GMPR: variants seen among roughly 807,000 people sequenced by gnomAD.
GMPR encodes the protein GMP reductase 1.
GMPR carries 31 observed loss-of-function variants against 38.4 expected under a neutral mutation model. That is an observed-to-expected ratio of 0.81 (90% CI 0.61 to 1.09). The LOEUF is 1.09. GMPR is among the 50% of genes least tolerant of loss of function. The pLI, the probability that GMPR is intolerant of heterozygous loss-of-function variation, is 0.00. For missense variants in GMPR, 468 were observed against 453.7 expected (o/e 1.03, Z -0.29); for synonymous variants, 162 against 173.3 (o/e 0.93, Z 0.51).
At chr6:16,270,813 A>G (rs1425150833) in intron 4 of GMPR, among the ~76,000 whole-genome samples, 1 of 152,212 alleles carries the variant, frequency 6.6e-6, no homozygotes. Flanking sequence ...TTCAGCAGCC[A>G]CACAGGTAGC....
Position 16,280,249 on chromosome 6 carries a change from C to T in GMPR, c.654+1359C>T, listed in dbSNP as rs545757575. 7.2e-5 allele frequency among the ~76,000 whole-genome samples: 11 copies of T among 152,234 alleles called. No homozygotes were observed. In the South Asian group the frequency reaches 1.9e-3, roughly 26 times the overall value. On this transcript the variant is annotated intron_variant, in intron 6 of 8. Coordinates refer to ENST00000259727, the MANE Select transcript of GMPR (RefSeq NM_006877.4). Reference sequence around the variant, plus strand: ...GTTGGAGACCTGGCAGCTTTTAGCCCATAGATGATGAAAGTCTTGGGAATG... The same window carrying T: ...GTTGGAGACCTGGCAGCTTTTAGCCTATAGATGATGAAAGTCTTGGGAATG...
intron 4 of GMPR, chr6:16,262,938 G>A (rs373221547): frequency 2.6e-5 from 4 of 152,032 alleles, no homozygotes; most frequent in Admixed American, 1.3e-4. Flanking sequence ...GTCACGGAAC[G>A]AAACTGTAAG....
chr6:16,249,603 G>C (rs4716053), intron 2 of GMPR, among the ~76,000 whole-genome samples: 1 of 152,052 alleles, frequency 6.6e-6, no homozygotes, highest in East Asian at 1.9e-4. Context: ...GATTACAGGC[G>C]TAAGCCACCA....
chr6:16,290,510 C>T lies in GMPR; in HGVS notation c.746C>T (p.Thr249Met), dbSNP rs747365069. 7 of 1,613,690 alleles carry T rather than the reference C, an allele frequency of 4.3e-6. No individual in the cohort carries two copies. Among genetic ancestry groups the T allele is most frequent in the South Asian group, 3.3e-5 (3 of 91,080 alleles). Residue 249 changes from threonine (T) to methionine (M), a missense_variant, in exon 8 of 9, where the codon ACG becomes ATG. Transcript: ENST00000259727. ...VMLGGMFSGH[T>M]ECAGEVFERN... ...CTGGGAGGAATGTTTTCGGGTCATA[C>T]GGAGTGTGCTGGAGAAGTGTTTGAG...
At chr6:16,269,689 C>T (rs752275673) in intron 4 of GMPR, among the ~76,000 whole-genome samples, 3 of 152,050 alleles carry the variant, frequency 2.0e-5, no homozygotes, top group Non-Finnish European at 2.9e-5. Flanking sequence ...CCCAGCTACT[C>T]GGGAGGCTGA....
intron 6 of GMPR, among the ~76,000 whole-genome samples, chr6:16,280,018 G>A (rs1163321826): frequency 5.9e-5 from 9 of 152,148 alleles, no homozygotes; most frequent in Non-Finnish European, 1.2e-4. Flanking sequence ...AACAAGTGTC[G>A]GCAATGGAGT....
chr6:16,283,309 T>G (rs1398412813), intron 6 of GMPR, among the ~76,000 whole-genome samples: 2 of 152,246 alleles, frequency 1.3e-5, no homozygotes, highest in East Asian at 1.9e-4. Context: ...TTAACAACCT[T>G]TCAGCAGCTA....
At chr6:16,271,401 G>T (rs1759383412) in intron 4 of GMPR, among the ~76,000 whole-genome samples, 1 of 152,140 alleles carries the variant, frequency 6.6e-6, no homozygotes, top group Non-Finnish European at 1.5e-5. Context: ...CAGGAGAATC[G>T]CTTGAGCCTG....
chr6:16,241,560 G>C lies in GMPR; in HGVS notation c.87+2780G>C, dbSNP rs185882868. On this transcript the variant is annotated intron_variant, in intron 1 of 8. Coordinates refer to ENST00000259727, the MANE Select transcript of GMPR (RefSeq NM_006877.4). ...GGCATGGAAGAATAAAGCGCCACAG[G>C]GTCATGTGGGGACATTTGGATAATC... 4.7e-3 allele frequency among the ~76,000 whole-genome samples: 723 copies of C among 152,262 alleles called. 17 individuals are homozygous for C. The highest frequency in any genetic ancestry group is 0.044 in the Admixed American group (670 of 15,288).
intron 6 of GMPR, among the ~76,000 whole-genome samples, chr6:16,282,419 A>G (rs1291843312): frequency 6.6e-6 from 1 of 152,234 alleles, no homozygotes; most frequent in African/African-American, 2.4e-5. Context: ...TTAACCTAGG[A>G]AAAGTTAGAA....
intron 7 of GMPR, among the ~76,000 whole-genome samples, chr6:16,286,847 A>C (rs756410935): frequency 2.0e-5 from 3 of 152,144 alleles, no homozygotes; most frequent in African/African-American, 4.8e-5. Context: ...CAGAAGTTGC[A>C]GTGAGCCAAG....
Position 16,274,443 on chromosome 6 carries a change from T to C in GMPR, c.494T>C (p.Val165Ala), listed in dbSNP as rs779812547. Residue 165 changes from valine to alanine, a missense_variant, in exon 5 of 9, where the codon GTA becomes GCA. Coordinates refer to ENST00000259727, the MANE Select transcript of GMPR (RefSeq NM_006877.4). ...MAGNVVTGEM[V>A]EELILSGADI... Reference sequence around the variant, plus strand: ...GGGAACGTGGTGACAGGAGAAATGGTAGAAGAGCTTATTCTTTCCGGAGCA... The same window carrying C: ...GGGAACGTGGTGACAGGAGAAATGGCAGAAGAGCTTATTCTTTCCGGAGCA... 12 of 1,609,270 alleles carry C rather than the reference T, an allele frequency of 7.5e-6. No individual in the cohort carries two copies. Among genetic ancestry groups the C allele is most frequent in the Non-Finnish European group, 1.0e-5 (12 of 1,175,676 alleles).
rs1471627607 is a variant in GMPR at position 16,278,815 on chromosome 6, A to C, written c.579A>C (p.Gly193=). 2 of 1,613,868 alleles carry C rather than the reference A, an allele frequency of 1.2e-6. No homozygotes were observed. The highest frequency in any genetic ancestry group is 3.3e-5 in the Admixed American group (2 of 60,010). Residue 193 remains glycine (G), a synonymous_variant, in exon 6 of 9, where the codon GGA becomes GGC. Transcript: ENST00000259727. ...GSVCTTRTKT[G]VGYPQLSAVI... is the part of the protein sequence containing the mutation. Reference sequence around the variant, plus strand: ...TGTGCACCACCCGCACCAAGACGGGAGTGGGGTACCCCCAGCTGAGTGCCG... The same window carrying C: ...TGTGCACCACCCGCACCAAGACGGGCGTGGGGTACCCCCAGCTGAGTGCCG...
chr6:16,292,014 A>C (rs1759848338), intron 8 of GMPR, among the ~76,000 whole-genome samples: 1 of 152,216 alleles, frequency 6.6e-6, no homozygotes, highest in Admixed American at 6.5e-5. Context: ...CAAGCTATAC[A>C]AAATGGGTAC....
chr6:16,242,500 G>A (rs904565388), intron 1 of GMPR, among the ~76,000 whole-genome samples: 2 of 152,164 alleles, frequency 1.3e-5, no homozygotes, highest in Non-Finnish European at 2.9e-5. Flanking sequence ...TCTGAGGGCT[G>A]GGAGGGAGAT....
In GMPR at chr6:16,245,760, G is replaced by A. The variant is rs139724931; in HGVS notation, c.88-1082G>A. ...CCCTTCCTTAGGGTGAGGGTCGGAG[G>A]GAGAAGACAGTGCTCTGGAGCCCAG... is the stretch of plus-strand genomic sequence containing the variant. On this transcript the variant is annotated intron_variant, in intron 1 of 8. Transcript: ENST00000259727. Among the ~76,000 whole-genome samples the A allele has an allele frequency of 2.5e-3, 380 of 152,340 alleles. 1 individual carries two copies. Among genetic ancestry groups the A allele is most frequent in the African/African-American group, 8.1e-3 (335 of 41,576 alleles).
intron 4 of GMPR, chr6:16,258,007 C>T (rs1327820495): frequency 6.6e-6 from 1 of 152,230 alleles, no homozygotes; most frequent in Non-Finnish European, 1.5e-5. Flanking sequence ...CTGAATCTCA[C>T]TTTCCTCACC....
At chr6:16,285,967 C>A in intron 7 of GMPR, 132 bp downstream of exon 7, 1 of 779,178 alleles carries the variant, frequency 1.3e-6, no homozygotes, top group Non-Finnish European at 2.2e-6. Flanking sequence ...GTTCCTCTCC[C>A]TGGGTTTCAG....
chr6:16,269,102 T>C lies in GMPR; in HGVS notation c.466-5313T>C, dbSNP rs539812856. Among the ~76,000 whole-genome samples, 5 of 152,154 alleles carry C rather than the reference T, an allele frequency of 3.3e-5. No homozygotes were observed. The South Asian group carries it at 8.3e-4, about 25-fold the overall frequency. ...ACAATTACAAAAAAACTAAAAAGAA[T>C]GGGTAAAGGAGCAATATACAGAAAG... On this transcript the variant is annotated intron_variant, in intron 4 of 8. Coordinates refer to ENST00000259727, the MANE Select transcript of GMPR (RefSeq NM_006877.4).
Sources: allele counts gnomAD v4.1 joint callset (sites outside exome capture counted in the v4.1 genomes callset), GRCh38; gene constraint gnomAD v4.1.1; transcripts MANE v1.5; gene names NCBI Gene and HGNC (gene_info 2026-07-23, HGNC 2026-07-21).